Variants in TBL1X observed in about 807,000 individuals in gnomAD.
TBL1X encodes the protein transducin beta like 1 X-linked, also known as F-box-like/WD repeat-containing protein TBL1X.
TBL1X carries 10 observed loss-of-function variants against 50.7 expected under a neutral mutation model. The observed-to-expected ratio is 0.20, with a 90% confidence interval of 0.12 to 0.33. The LOEUF (loss-of-function observed/expected upper bound fraction) is 0.33. TBL1X is among the 10% of genes least tolerant of loss of function. The probability of loss-of-function intolerance (pLI) is 1.00; values close to 1 mark genes in which losing one functional copy is unlikely to be tolerated. For synonymous variants in TBL1X, 190 were observed against 214.7 expected (o/e 0.88, Z 1.01); for missense variants, 340 against 504.4 (o/e 0.67, Z 3.12).
intron 5 of TBL1X, among the ~76,000 whole-genome samples, chrX:9,659,953 C>T (rs377033582): frequency 1.8e-5 from 2 of 112,466 alleles, no homozygotes; most frequent in Admixed American, 1.9e-4. Flanking sequence ...TAGCCCAGGT[C>T]GGCTGAATGA....
chrX:9,544,440 G>A (rs1340459896), intron 2 of TBL1X, among the ~76,000 whole-genome samples: 1 of 111,953 alleles, frequency 8.9e-6, no homozygotes, highest in African/African-American at 3.2e-5. Flanking sequence ...ACATGCAAAA[G>A]TGCTGTTAAC....
intron 2 of TBL1X, among the ~76,000 whole-genome samples, chrX:9,623,134 G>T (rs897115054): frequency 4.5e-5 from 5 of 111,719 alleles, no homozygotes; most frequent in African/African-American, 1.3e-4. Context: ...TTGATGCAAA[G>T]GTTAACCCAC....
At position 9,705,206 on chromosome X, in the gene TBL1X, C is replaced by A; in HGVS notation, c.1236+92C>A. On this transcript the variant is annotated intron_variant, in intron 13 of 17. Coordinates refer to ENST00000645353, the MANE Select transcript of TBL1X (RefSeq NM_005647.4). ...TGCCTAGAATTAAAAGCTACTGCAG[C>A]AGCAGACCAGCTCTAATGTGCCCCT... 2.6e-6 allele frequency: 3 copies of A among 1,165,481 alleles called. No homozygotes were observed. In the South Asian group the frequency reaches 5.6e-5, roughly 22 times the overall value.
At chrX:9,581,057 T>C (rs1377488379) in intron 2 of TBL1X, among the ~76,000 whole-genome samples, 1 of 111,531 alleles carries the variant, frequency 9.0e-6, no homozygotes, top group Non-Finnish European at 1.9e-5. Context: ...CTTGGGGGGC[T>C]TTCGAATGTT....
chrX:9,482,565 A>G (rs1488778202), intron 1 of TBL1X, among the ~76,000 whole-genome samples: 1 of 112,206 alleles, frequency 8.9e-6, no homozygotes, highest in African/African-American at 3.2e-5. Context: ...AACTGTGAGT[A>G]AGAACATTAA....
At position 9,688,292 on chromosome X, in the gene TBL1X, T is replaced by G; in HGVS notation, c.616+17T>G. 8.8e-7 allele frequency: 1 copy of G among 1,133,161 alleles called. No individual in the cohort carries two copies. The highest frequency in any genetic ancestry group is 1.2e-6 in the Non-Finnish European group (1 of 851,913). The allele number at this position is 1,133,161 out of a possible 1,213,427, so 93.4% of individuals were successfully genotyped here. A position where few individuals can be genotyped will look rare whatever the true frequency, so the allele number is the denominator to read the frequency against. The stretch of plus-strand genomic sequence containing the variant: ...ATTCAGTCAGTGAGTGCAGGGGCTC[T>G]GGGAGTTCGGTGGGCCTCTCTGGGT... On this transcript the variant is annotated intron_variant, in intron 7 of 17. Coordinates refer to ENST00000645353, the MANE Select transcript of TBL1X (RefSeq NM_005647.4).
chrX:9,551,257 G>A (rs1407376432), intron 2 of TBL1X, among the ~76,000 whole-genome samples: 1 of 109,926 alleles, frequency 9.1e-6, no homozygotes, highest in Non-Finnish European at 1.9e-5. Flanking sequence ...ATGGAGAGGG[G>A]GAGGTCAGTT....
At chrX:9,592,500 TG>T (rs1156726819) in intron 2 of TBL1X, among the ~76,000 whole-genome samples, 2 of 112,178 alleles carry the variant, frequency 1.8e-5, no homozygotes, top group Non-Finnish European at 3.8e-5. Context: ...GTAATACATT[TG>T]TAAGTGTACA....
intron 11 of TBL1X, among the ~76,000 whole-genome samples, chrX:9,694,940 CAA>C (rs1304552596): frequency 9.5e-6 from 1 of 105,116 alleles, no homozygotes; most frequent in East Asian, 2.9e-4. Flanking sequence ...GCCTGGGCAA[CAA>C]GAGCAAAACT....
chrX:9,621,802 C>T (rs938251764), intron 2 of TBL1X, among the ~76,000 whole-genome samples: 1 of 111,964 alleles, frequency 8.9e-6, no homozygotes, highest in African/African-American at 3.2e-5. Context: ...TCTGCTGCCA[C>T]GTAGCTCAGT....
At chrX:9,536,499 C>T (rs1213532546) in intron 2 of TBL1X, among the ~76,000 whole-genome samples, 2 of 111,223 alleles carry the variant, frequency 1.8e-5, no homozygotes, top group Non-Finnish European at 3.8e-5. Flanking sequence ...ATCTGCCTGC[C>T]TTGGCCTCCG....
intron 1 of TBL1X, among the ~76,000 whole-genome samples, chrX:9,488,519 C>T (rs1419292038): frequency 2.7e-5 from 3 of 111,836 alleles, no homozygotes; most frequent in African/African-American, 9.7e-5. Flanking sequence ...TTACATTGGG[C>T]CCATCCGGAA....
chrX:9,675,095 G>A (rs1159619075), intron 5 of TBL1X, among the ~76,000 whole-genome samples: 3 of 112,017 alleles, frequency 2.7e-5, no homozygotes, highest in Non-Finnish European at 5.6e-5. Context: ...TTTGAGTACC[G>A]TCAGAAATGT....
chrX:9,657,554 C>G (rs1047750345), intron 5 of TBL1X, among the ~76,000 whole-genome samples: 1 of 112,561 alleles, frequency 8.9e-6, no homozygotes, highest in Admixed American at 9.4e-5. Flanking sequence ...TCTTCAAACT[C>G]GGAAAAGAAC....
chrX:9,654,410 T>TAGAAGA (rs34335400), intron 5 of TBL1X, 88 bp downstream of exon 5: 48 of 820,738 alleles, frequency 5.8e-5, no homozygotes, highest in East Asian at 2.3e-4. Flanking sequence ...AACCAGGCTG[T>TAGAAGA]AGAAGAAGAA....
chrX:9,624,197 TAA>T (rs1446295576), intron 2 of TBL1X, among the ~76,000 whole-genome samples: 1 of 112,587 alleles, frequency 8.9e-6, no homozygotes, highest in Non-Finnish European at 1.9e-5. Context: ...GATATTTCTG[TAA>T]AGTCATGTAA....
At chrX:9,527,199 CTG>C (rs2082137176) in intron 2 of TBL1X, among the ~76,000 whole-genome samples, 3 of 112,011 alleles carry the variant, frequency 2.7e-5, no homozygotes, top group South Asian at 7.3e-4. Flanking sequence ...TGAGGAGTGA[CTG>C]TAGCTGCAGC....
At chrX:9,480,461 TA>T (rs2081875278) in intron 1 of TBL1X, among the ~76,000 whole-genome samples, 1 of 112,378 alleles carries the variant, frequency 8.9e-6, no homozygotes, top group Non-Finnish European at 1.9e-5. Context: ...GCAAGTTGGC[TA>T]AGACTTGAAG....
At position 9,685,295 on chromosome X, in the gene TBL1X, C is replaced by G. The variant is rs755048442; in HGVS notation, c.357+1107C>G. The stretch of plus-strand genomic sequence containing the variant: ...TTTCTTGCCGCCTTCACCTGAGTCC[C>G]TATTTTATTTTTAGAGACTGAGTCT... On this transcript the variant is annotated intron_variant, in intron 6 of 17. Transcript: ENST00000645353. Among the ~76,000 whole-genome samples, 3 of 111,919 alleles carry G rather than the reference C, an allele frequency of 2.7e-5. No homozygotes were observed. In the South Asian group the frequency reaches 1.1e-3, roughly 42 times the overall value.
Sources: allele counts gnomAD v4.1 joint callset (sites outside exome capture counted in the v4.1 genomes callset), GRCh38; gene constraint gnomAD v4.1.1; transcripts MANE v1.5; gene names NCBI Gene and HGNC (gene_info 2026-07-23, HGNC 2026-07-21).